The following KMT2C variants were observed in gnomAD, a reference collection of about 807,000 sequenced individuals.
KMT2C encodes lysine methyltransferase 2C.
In KMT2C, 88 loss-of-function variants were observed where a neutral mutation model predicts 507.9. That is an observed-to-expected ratio of 0.17 (90% CI 0.15 to 0.21). The LOEUF is 0.21. Among genes scored for constraint, KMT2C ranks in the 10% least tolerant of loss-of-function variants. The probability of loss-of-function intolerance (pLI) is 1.00; values close to 1 mark genes in which losing one functional copy is unlikely to be tolerated. For synonymous variants in KMT2C, 2,049 were observed against 2,080.8 expected, an observed-to-expected ratio of 0.98 and a Z score of 0.42; for missense variants, 4,954 against 5,957.8, an observed-to-expected ratio of 0.83 and a Z score of 5.55.
Position 152,148,608 on chromosome 7 carries a change from T to A in KMT2C, c.13319A>T (p.Tyr4440Phe). Reference protein sequence around the residue: ...LNCALWSTEVYETQAGALINV... With the variant: ...LNCALWSTEVFETQAGALINV... ...TATTAAGGCACCAGCCTGAGTCTCATAGACCTCCGTGGACCACAGAGCGCA... is the reference window on the plus strand; with the variant it reads ...TATTAAGGCACCAGCCTGAGTCTCAAAGACCTCCGTGGACCACAGAGCGCA... Residue 4440 changes from tyrosine to phenylalanine, a missense_variant, in exon 52 of 59, where the codon TAT (tyrosine) becomes TTT (phenylalanine). Tyr to Phe is a conservative substitution (Grantham distance 22, BLOSUM62 3). Around this residue, in one of 29 missense-constraint regions of KMT2C, gnomAD observed 39 missense variants for 101.8 expected, o/e 0.38. Transcript: ENST00000262189. This position sits in a 1 kb window ranked among gnomAD's most constrained non-coding sequence, Gnocchi z 7.1. The A allele has an allele frequency of 1.2e-6, 2 of 1,614,216 alleles. No individual in the cohort carries two copies. Among genetic ancestry groups the A allele is most frequent in the Non-Finnish European group, 1.7e-6 (2 of 1,180,038 alleles).
chr7:152,386,211 A>G (rs879106288), intron 1 of KMT2C, among the ~76,000 whole-genome samples: 7 of 140,064 alleles, frequency 5.0e-5, no homozygotes, highest in Non-Finnish European at 7.5e-5. Context: ...TTAAAAAAGA[A>G]AAAAAAAAAA....
intron 2 of KMT2C, among the ~76,000 whole-genome samples, chr7:152,339,361 C>G (rs2096969063): frequency 6.6e-6 from 1 of 152,152 alleles, no homozygotes. Context: ...TTGTCACCAA[C>G]AGAAATCACG....
intron 13 of KMT2C, among the ~76,000 whole-genome samples, chr7:152,249,183 AACATAGTC>A (rs2129164903): frequency 6.6e-6 from 1 of 152,324 alleles, no homozygotes; most frequent in Admixed American, 6.5e-5. Flanking sequence ...AGATATCAGA[AACATAGTC>A]ACTGGTAAAT....
chr7:152,320,676 C>T (rs757235397), intron 3 of KMT2C, among the ~76,000 whole-genome samples: 3 of 151,908 alleles, frequency 2.0e-5, no homozygotes, highest in Non-Finnish European at 4.4e-5. Context: ...CTATGTCAAA[C>T]CAATAAAAAT....
At chr7:152,325,538 A>G (rs1047297528) in intron 3 of KMT2C, among the ~76,000 whole-genome samples, 2 of 151,466 alleles carry the variant, frequency 1.3e-5, no homozygotes, top group African/African-American at 4.9e-5. Context: ...ACAGCTCACT[A>G]CAGCCTCGAC....
chr7:152,203,977 C>T (rs538240628), intron 25 of KMT2C, among the ~76,000 whole-genome samples: 1 of 152,250 alleles, frequency 6.6e-6, no homozygotes, highest in Admixed American at 6.5e-5. Flanking sequence ...ATTTTCAGAG[C>T]ATTGCGAGGA....
intron 38 of KMT2C, among the ~76,000 whole-genome samples, chr7:152,175,671 T>C (rs2093171942): frequency 6.6e-6 from 1 of 151,846 alleles, no homozygotes; most frequent in Admixed American, 6.6e-5. Context: ...GCTGAGGCAA[T>C]CTGTCTGCCT....
chr7:152,260,112 A>C (rs1186640073), intron 9 of KMT2C, among the ~76,000 whole-genome samples: 1 of 152,218 alleles, frequency 6.6e-6, no homozygotes, highest in Non-Finnish European at 1.5e-5. Flanking sequence ...AGGGAAGTTA[A>C]ACAGGTAGCC....
chr7:152,136,454 C>A lies in KMT2C; in HGVS notation c.*378G>T, dbSNP rs1324196086. The A allele has an allele frequency of 2.4e-5, 6 of 254,334 alleles. No homozygotes were observed. Among genetic ancestry groups the A allele is most frequent in the East Asian group, 5.9e-5 (1 of 16,964 alleles). The allele number at this position is 254,334 out of a possible 1,614,324, so 15.8% of individuals were successfully genotyped here. A position where few individuals can be genotyped will look rare whatever the true frequency, so the allele number is the denominator to read the frequency against. On this transcript the variant is annotated 3_prime_UTR_variant, in exon 59 of 59. Transcript: ENST00000262189. ...AGGAAGGCCCCTGCCCGGGGCAGGG[C>A]AGCCATCGGCTCTTTGCCCCAGTAA...
At chr7:152,280,213 G>A (rs2096179374) in intron 6 of KMT2C, among the ~76,000 whole-genome samples, 4 of 152,136 alleles carry the variant, frequency 2.6e-5, no homozygotes, top group Admixed American at 1.3e-4. Flanking sequence ...TGGCCTCTAG[G>A]AACTGAGAGT....
chr7:152,219,970 T>G (rs1480862263), intron 23 of KMT2C: 4 of 153,034 alleles, frequency 2.6e-5, no homozygotes, highest in African/African-American at 9.8e-5. Flanking sequence ...GTCACTGCAC[T>G]CTAACCTGGG....
At chr7:152,217,284 A>G (rs1338256550) in intron 23 of KMT2C, among the ~76,000 whole-genome samples, 1 of 152,204 alleles carries the variant, frequency 6.6e-6, no homozygotes, top group East Asian at 1.9e-4. Flanking sequence ...AAATACCATA[A>G]AACTTATTTT....
intron 3 of KMT2C, among the ~76,000 whole-genome samples, chr7:152,321,350 A>G (rs2096771408): frequency 1.3e-5 from 2 of 151,834 alleles, no homozygotes; most frequent in Admixed American, 1.3e-4. Flanking sequence ...GAAAATACTG[A>G]ATATAAAATT....
chr7:152,255,114 T>TATATATATAC (rs2095627873), intron 9 of KMT2C, among the ~76,000 whole-genome samples: 2 of 89,744 alleles, frequency 2.2e-5, no homozygotes, highest in African/African-American at 9.3e-5. Context: ...CTCACTTATA[T>TATATATATAC]ATATATATAT....
intron 40 of KMT2C, among the ~76,000 whole-genome samples, chr7:152,169,541 C>T (rs2129107351): frequency 6.6e-6 from 1 of 152,258 alleles, no homozygotes; most frequent in Non-Finnish European, 1.5e-5. Context: ...AAATCAATTA[C>T]TGCTAATACT....
chr7:152,299,234 C>T (rs1471413735), intron 6 of KMT2C, among the ~76,000 whole-genome samples: 40 of 151,932 alleles, frequency 2.6e-4, no homozygotes, highest in African/African-American at 9.0e-4. Flanking sequence ...AGGAGAATCG[C>T]TTGAACCCAG....
At chr7:152,270,614 C>A (rs2095946294) in intron 7 of KMT2C, among the ~76,000 whole-genome samples, 1 of 152,142 alleles carries the variant, frequency 6.6e-6, no homozygotes, top group Non-Finnish European at 1.5e-5. Context: ...TCCTCAAGGT[C>A]TGTGTAGTGG....
chr7:152,350,519 C>T (rs374020575), intron 2 of KMT2C, among the ~76,000 whole-genome samples: 6 of 152,100 alleles, frequency 3.9e-5, no homozygotes, highest in African/African-American at 9.7e-5. Context: ...TGTTACTGTA[C>T]GCAACTATAA....
At chr7:152,410,116 T>C (rs2097665467) in intron 1 of KMT2C, among the ~76,000 whole-genome samples, 3 of 152,174 alleles carry the variant, frequency 2.0e-5, no homozygotes, top group Admixed American at 2.0e-4. Flanking sequence ...TCTGATTTCA[T>C]TATTAAAAAT....
Sources: allele counts gnomAD v4.1 joint callset (sites outside exome capture counted in the v4.1 genomes callset), GRCh38; gene constraint gnomAD v4.1.1; regional missense constraint gnomAD v4.1.1; non-coding constraint Gnocchi (gnomAD v3.1); transcripts MANE v1.5; gene names NCBI Gene and HGNC (gene_info 2026-07-23, HGNC 2026-07-21).